SPON1: variants seen among roughly 807,000 people sequenced by gnomAD.
The protein encoded by SPON1 is spondin-1.
In SPON1, 52 loss-of-function variants were observed where a neutral mutation model predicts 111.7. That is an observed-to-expected ratio of 0.47 (90% confidence interval 0.37 to 0.59). SPON1 has a LOEUF of 0.59. SPON1 is among the 20% of genes least tolerant of loss of function. SPON1 has a pLI of 0.00. For missense variants in SPON1, 957 were observed against 1,068.5 expected (o/e 0.90, Z 1.46); for synonymous variants, 410 against 395.8 (o/e 1.04, Z -0.43).
intron 3 of SPON1, among the ~76,000 whole-genome samples, chr11:14,056,421 C>T (rs1554919180): frequency 6.6e-6 from 1 of 152,172 alleles, no homozygotes; most frequent in Admixed American, 6.5e-5. Context: ...AAAAACTGTA[C>T]ATTTTAAAGG....
intron 6 of SPON1, among the ~76,000 whole-genome samples, chr11:14,155,068 C>T (rs1346958280): frequency 2.0e-5 from 3 of 152,146 alleles, no homozygotes; most frequent in Non-Finnish European, 4.4e-5. Context: ...TTAGCCTGGG[C>T]TTCACTGTCC....
chr11:14,177,228 G>A (rs187561894), intron 6 of SPON1, among the ~76,000 whole-genome samples: 7 of 152,286 alleles, frequency 4.6e-5, no homozygotes, highest in African/African-American at 1.7e-4. Context: ...TTTTAGTAGA[G>A]ACGGGGTTTC....
At chr11:14,082,550 C>G (rs1848970820) in intron 5 of SPON1, among the ~76,000 whole-genome samples, 1 of 152,114 alleles carries the variant, frequency 6.6e-6, no homozygotes, top group South Asian at 2.1e-4. Flanking sequence ...TGTTGAACTC[C>G]GAGTCACACT....
chr11:14,258,015 T>G, intron 11 of SPON1, 117 bp downstream of exon 11: 5 of 980,042 alleles, frequency 5.1e-6, no homozygotes, highest in Non-Finnish European at 7.1e-6. Flanking sequence ...TAGATGTCAG[T>G]GGGGTCCACC....
intron 6 of SPON1, among the ~76,000 whole-genome samples, chr11:14,177,935 T>G (rs1848195530): frequency 6.6e-6 from 1 of 152,142 alleles, no homozygotes; most frequent in Admixed American, 6.5e-5. Flanking sequence ...TCCAAAAGTA[T>G]TTCAGAGATT....
At chr11:14,253,949 C>G (rs1393662079) in intron 7 of SPON1, among the ~76,000 whole-genome samples, 1 of 152,218 alleles carries the variant, frequency 6.6e-6, no homozygotes, top group East Asian at 1.9e-4. Flanking sequence ...TCCTGAGAAT[C>G]TGTGTGACAC....
intron 2 of SPON1, among the ~76,000 whole-genome samples, chr11:14,005,023 A>G (rs1848348202): frequency 6.6e-6 from 1 of 152,110 alleles, no homozygotes; most frequent in African/African-American, 2.4e-5. Context: ...TGCCCAGGCT[A>G]TGCCTTTTCA....
In SPON1 at chr11:14,160,851, TTA is replaced by T. The variant is rs1399669294; in HGVS notation, c.825+25291_825+25292del. Among the ~76,000 whole-genome samples the T allele has an allele frequency of 2.7e-4, 11 of 40,436 alleles. 2 individuals are homozygous for T. In the East Asian group the frequency reaches 3.5e-3, roughly 13 times the overall value. 26.5% of individuals were successfully genotyped at this position (40,436 alleles called of 152,430 possible). ...TATATATATTTATATATTTATATAT[TTA>T]TATATATTTATATATTTTTATATTT... On this transcript the variant is annotated intron_variant, in intron 6 of 15. Coordinates refer to ENST00000576479, the MANE Select transcript of SPON1 (RefSeq NM_006108.4).
At chr11:14,090,934 G>C (rs539378453) in intron 5 of SPON1, among the ~76,000 whole-genome samples, 1 of 147,614 alleles carries the variant, frequency 6.8e-6, no homozygotes, top group East Asian at 2.0e-4. Context: ...AGATACAAAG[G>C]TTCTCCACGT....
At chr11:14,254,854 G>A in intron 8 of SPON1, 125 bp downstream of exon 8, 1 of 915,688 alleles carries the variant, frequency 1.1e-6, no homozygotes, top group Non-Finnish European at 1.7e-6. Flanking sequence ...TGGGGAGGCT[G>A]GCATGGTCGC....
chr11:14,252,765 G>A (rs1308470617), intron 7 of SPON1, among the ~76,000 whole-genome samples: 5 of 152,278 alleles, frequency 3.3e-5, no homozygotes, highest in Non-Finnish European at 7.3e-5. Flanking sequence ...AAGGCTGCTG[G>A]AAGAGGTGAC....
intron 2 of SPON1, among the ~76,000 whole-genome samples, chr11:14,014,176 G>A (rs1302744982): frequency 6.6e-6 from 1 of 152,074 alleles, no homozygotes; most frequent in African/African-American, 2.4e-5. Context: ...TTGCAGCTAC[G>A]TGGACAAGGT....
At chr11:13,982,149 ATAAAT>A (rs1197794521) in intron 1 of SPON1, among the ~76,000 whole-genome samples, 2 of 150,252 alleles carry the variant, frequency 1.3e-5, no homozygotes, top group Non-Finnish European at 3.0e-5. Context: ...TGCCTAATTT[ATAAAT>A]TAAACTTTAT....
intron 6 of SPON1, among the ~76,000 whole-genome samples, chr11:14,169,401 C>T (rs552995201): frequency 4.3e-4 from 66 of 151,764 alleles, no homozygotes; most frequent in African/African-American, 1.5e-3. Context: ...GATATTAGCC[C>T]TTTGTCAGAT....
At chr11:14,126,999 C>A (rs1451939282) in intron 5 of SPON1, among the ~76,000 whole-genome samples, 2 of 152,274 alleles carry the variant, frequency 1.3e-5, no homozygotes, top group Non-Finnish European at 2.9e-5. Flanking sequence ...CCTGTCATCT[C>A]CACACCCCTC....
chr11:13,979,366 G>A (rs1327113071), intron 1 of SPON1, among the ~76,000 whole-genome samples: 1 of 152,174 alleles, frequency 6.6e-6, no homozygotes, highest in Admixed American at 6.5e-5. Context: ...CATCTGCAAA[G>A]ACCCTATTTC....
At chr11:14,199,304 A>G (rs1848435788) in intron 6 of SPON1, among the ~76,000 whole-genome samples, 1 of 152,040 alleles carries the variant, frequency 6.6e-6, no homozygotes, top group South Asian at 2.1e-4. Context: ...TGCTTTATAC[A>G]AAAACTCTCT....
At position 14,090,823 on chromosome 11, in the gene SPON1, G is replaced by GCC. The variant is rs1360339677; in HGVS notation, c.676+10802_676+10803insCC. ...GCAGCCTGCTTTTATTCTCTTATCT[G>GCC]GCCCCCCCCCCCCCCCCCCCCGCCC... On this transcript the variant is annotated intron_variant, in intron 5 of 15. Transcript: ENST00000576479. 7.0e-4 allele frequency among the ~76,000 whole-genome samples: 19 copies of GCC among 27,044 alleles called. 1 individual carries two copies. Among genetic ancestry groups the GCC allele is most frequent in the East Asian group, 0.016 (1 of 62 alleles). 17.7% of individuals were successfully genotyped at this position (27,044 alleles called of 152,430 possible).
chr11:14,109,592 C>T (rs544678789), intron 5 of SPON1, among the ~76,000 whole-genome samples: 29 of 152,106 alleles, frequency 1.9e-4, no homozygotes, highest in African/African-American at 6.3e-4. Context: ...TTTTATATGT[C>T]TTTATTAATA....
Sources: allele counts gnomAD v4.1 joint callset (sites outside exome capture counted in the v4.1 genomes callset), GRCh38; gene constraint gnomAD v4.1.1; transcripts MANE v1.5; gene names NCBI Gene and HGNC (gene_info 2026-07-23, HGNC 2026-07-21).